VAPA: variants seen among roughly 807,000 people sequenced by gnomAD.
VAPA encodes vesicle-associated membrane protein-associated protein A.
A neutral mutation model predicts 25.6 loss-of-function variants in VAPA; 6 were observed. That is an observed-to-expected ratio of 0.23 (90% CI 0.13 to 0.46). The LOEUF (loss-of-function observed/expected upper bound fraction) is 0.46, where lower values mean the gene tolerates loss of function less well. Among genes scored for constraint, VAPA ranks in the 20% least tolerant of loss-of-function variants. The pLI, the probability that VAPA is intolerant of heterozygous loss-of-function variation, is 0.99. For missense variants in VAPA, 244 were observed against 302.1 expected (o/e 0.81, Z 1.43); for synonymous variants, 112 against 106.2 (o/e 1.05, Z -0.34).
intron 1 of VAPA, among the ~76,000 whole-genome samples, chr18:9,928,707 A>AGG (rs1439313727): frequency 6.6e-6 from 1 of 152,176 alleles, no homozygotes; most frequent in African/African-American, 2.4e-5. Context: ...CTATAACATA[A>AGG]GGGGAAAAAA....
chr18:9,921,919 A>C (rs2069159943), intron 1 of VAPA, among the ~76,000 whole-genome samples: 1 of 152,182 alleles, frequency 6.6e-6, no homozygotes, highest in Non-Finnish European at 1.5e-5. Context: ...ATTTAAATAT[A>C]AATTTAATAA....
At chr18:9,934,658 G>C (rs1371771417) in intron 2 of VAPA, among the ~76,000 whole-genome samples, 1 of 152,108 alleles carries the variant, frequency 6.6e-6, no homozygotes, top group African/African-American at 2.4e-5. Flanking sequence ...ATAATCTAAA[G>C]TTAGGGAAAT....
chr18:9,946,348 G>A (rs1332654065), intron 4 of VAPA, among the ~76,000 whole-genome samples: 3 of 151,604 alleles, frequency 2.0e-5, no homozygotes, highest in South Asian at 2.1e-4. Flanking sequence ...TTTGTGTATC[G>A]AAACAATCTA....
chr18:9,914,495 C>T (rs1244048559), intron 1 of VAPA, 160 bp downstream of exon 1: 11 of 514,004 alleles, frequency 2.1e-5, no homozygotes, highest in East Asian at 1.6e-4. Context: ...TTGCCGCCAC[C>T]TCGGCCGGCC....
intron 1 of VAPA, among the ~76,000 whole-genome samples, chr18:9,931,144 A>G (rs543917625): frequency 2.6e-5 from 4 of 152,340 alleles, no homozygotes; most frequent in Non-Finnish European, 4.4e-5. Flanking sequence ...CTCCAAATTA[A>G]CAGGTATTTA....
chr18:9,920,787 A>G (rs117223133), intron 1 of VAPA, among the ~76,000 whole-genome samples: 3,205 of 152,286 alleles, frequency 0.021, 56 homozygotes, highest in Admixed American at 0.037. Flanking sequence ...TCTGTCCATA[A>G]CTTTGGCTAT....
chr18:9,930,738 T>G (rs533951345), intron 1 of VAPA, among the ~76,000 whole-genome samples: 1 of 152,154 alleles, frequency 6.6e-6, no homozygotes, highest in East Asian at 1.9e-4. Flanking sequence ...ATTAAAATGC[T>G]TTCTTTTCTA....
At chr18:9,950,026 A>G (rs998248519) in intron 4 of VAPA, 16 of 177,068 alleles carry the variant, frequency 9.0e-5, no homozygotes, top group African/African-American at 2.4e-4. Context: ...ATGACCTTCA[A>G]TGGATTTTGT....
rs772821254 is a variant in VAPA at position 9,954,223 on chromosome 18, C to A, written c.*12C>A. On this transcript the variant is annotated 3_prime_UTR_variant, in exon 6 of 6. Transcript: ENST00000400000. ...AATTCATCTTGTAGAGTGAAGCATG[C>A]AGAGTGCTGTTTCTTTTTTTTTTTT... is the stretch of plus-strand genomic sequence containing the variant. 4.4e-6 allele frequency: 7 copies of A among 1,580,136 alleles called. No homozygotes were observed. The South Asian group carries it at 8.2e-5, about 18-fold the overall frequency.
rs1036059259 is a variant in VAPA, at chr18:9,917,448, G to A, written c.79+3113G>A. Among the ~76,000 whole-genome samples the A allele has an allele frequency of 2.0e-5, 3 of 152,134 alleles. No individual in the cohort carries two copies. In the East Asian group the frequency reaches 5.8e-4, roughly 29 times the overall value. On this transcript the variant is annotated intron_variant, in intron 1 of 5. Transcript: ENST00000400000. ...TGGAACTACAGGCATGCACTACCAT[G>A]CCCAGCTAATTTTGAATTTTTTGTA...
intron 3 of VAPA, 139 bp downstream of exon 3, chr18:9,936,352 A>T: frequency 2.1e-6 from 1 of 486,644 alleles, no homozygotes; most frequent in Non-Finnish European, 3.6e-6. Context: ...TCTTCATTAT[A>T]GATAATCCTA....
rs1251250416 is a variant in VAPA, at chr18:9,938,134, G to GC, written c.417+1071dup. Among the ~76,000 whole-genome samples the GC allele has an allele frequency of 7.2e-5, 11 of 152,208 alleles. No individual in the cohort carries two copies. The East Asian group carries it at 2.1e-3, about 29-fold the overall frequency. ...TTAGGCGGAGGGAAGCTAATAGCTT[G>GC]CCCAGCTCTTACTGTTGAAACCAAG... On this transcript the variant is annotated intron_variant, in intron 4 of 5. Transcript: ENST00000400000.
intron 4 of VAPA, among the ~76,000 whole-genome samples, chr18:9,945,388 T>G (rs1311842595): frequency 1.7e-5 from 2 of 117,386 alleles, no homozygotes; most frequent in African/African-American, 6.5e-5. Context: ...TGAGATGGAG[T>G]CTCGCTCTGT....
chr18:9,941,544 T>G (rs992319840), intron 4 of VAPA, among the ~76,000 whole-genome samples: 1 of 152,212 alleles, frequency 6.6e-6, no homozygotes, highest in Non-Finnish European at 1.5e-5. Flanking sequence ...ACCCTATTGA[T>G]AATTGTATCC....
At chr18:9,929,041 G>C (rs1003545366) in intron 1 of VAPA, among the ~76,000 whole-genome samples, 3 of 152,174 alleles carry the variant, frequency 2.0e-5, no homozygotes, top group African/African-American at 7.2e-5. Context: ...TAATTCAGAT[G>C]TGTTGTATTG....
intron 1 of VAPA, among the ~76,000 whole-genome samples, chr18:9,929,739 C>T (rs890710020): frequency 6.6e-6 from 1 of 152,168 alleles, no homozygotes; most frequent in Non-Finnish European, 1.5e-5. Flanking sequence ...TCTTAGCTAT[C>T]TGCTGGGAGC....
rs1224912022 is a variant in VAPA, at chr18:9,945,394, T to G, written c.418-5001T>G. Among the ~76,000 whole-genome samples, 4 of 129,300 alleles carry G rather than the reference T, an allele frequency of 3.1e-5. No individual in the cohort carries two copies. The East Asian group carries it at 8.0e-4, about 26-fold the overall frequency. 84.8% of individuals were successfully genotyped at this position (129,300 alleles called of 152,430 possible). ...TTTTTTTTTTGAGATGGAGTCTCGC[T>G]CTGTCACCCAGGCTGGAGTGCATGG... On this transcript the variant is annotated intron_variant, in intron 4 of 5. Coordinates refer to ENST00000400000, the MANE Select transcript of VAPA (RefSeq NM_194434.3).
In VAPA at chr18:9,958,685, CTT is replaced by C. The variant is rs1423227577; in HGVS notation, c.*4475_*4476del. On this transcript the variant is annotated 3_prime_UTR_variant, in exon 6 of 6. Transcript: ENST00000400000. ...AGATATGAAGTAGATTTAATTAAGA[CTT>C]GACTTCAGCAATACAGGGGAACTTA... The C allele has an allele frequency of 6.6e-6, 1 of 152,008 alleles. No homozygotes were observed. The highest frequency in any genetic ancestry group is 2.1e-4 in the South Asian group (1 of 4,826). The allele number at this position is 152,008 out of a possible 1,614,324, so 9.4% of individuals were successfully genotyped here.
At chr18:9,922,866 A>G (rs1323548122) in intron 1 of VAPA, among the ~76,000 whole-genome samples, 1 of 152,166 alleles carries the variant, frequency 6.6e-6, no homozygotes, top group African/African-American at 2.4e-5. Flanking sequence ...ACTCTTCAGT[A>G]TGGGTTTTTT....
Sources: allele counts gnomAD v4.1 joint callset (sites outside exome capture counted in the v4.1 genomes callset), GRCh38; gene constraint gnomAD v4.1.1; transcripts MANE v1.5; gene names NCBI Gene and HGNC (gene_info 2026-07-23, HGNC 2026-07-21).